RSF1: variants seen among roughly 807,000 people sequenced by gnomAD.
The protein encoded by RSF1 is HBV pX-associated protein 8.
RSF1 carries 13 observed loss-of-function variants against 145.2 expected under a neutral mutation model. The observed-to-expected ratio is 0.09, with a 90% CI of 0.06 to 0.14. RSF1 has a LOEUF of 0.14. RSF1 is among the 10% of genes least tolerant of loss of function. The pLI, the probability that RSF1 is intolerant of heterozygous loss-of-function variation, is 1.00. For synonymous variants in RSF1, 577 were observed against 592.6 expected (o/e 0.97, Z 0.38); for missense variants, 1,517 against 1,718.2 (o/e 0.88, Z 2.07).
intron 5 of RSF1, chr11:77,702,938 T>C (rs1344564628): frequency 3.3e-5 from 5 of 152,400 alleles, no homozygotes; most frequent in Non-Finnish European, 7.3e-5. Context: ...AGTGGGAAAA[T>C]GAAAAATATA....
At chr11:77,678,610 G>C (rs531868897) in intron 11 of RSF1, among the ~76,000 whole-genome samples, 1 of 152,252 alleles carries the variant, frequency 6.6e-6, no homozygotes, top group Admixed American at 6.5e-5. Flanking sequence ...TAAATCTCAA[G>C]GTGATGGTAT....
chr11:77,725,754 C>T (rs1056631733), intron 4 of RSF1, 55 bp from the exon 5 acceptor site: 3 of 1,377,456 alleles, frequency 2.2e-6, no homozygotes, highest in Non-Finnish European at 2.9e-6. Flanking sequence ...TTCTAGAGAA[C>T]TTTCTGAATA....
At position 77,701,668 on chromosome 11, in the gene RSF1, C is replaced by T. The variant is rs1410646373; in HGVS notation, c.1561G>A (p.Glu521Lys). Residue 521 changes from glutamate to lysine, a missense_variant, in exon 6 of 16, where the codon GAG becomes AAG. By Grantham distance (56) the Glu-to-Lys change is moderately conservative. This residue lies in a region of RSF1 where 579 missense variants were observed against 553.5 expected (regional missense o/e 1.05). Transcript: ENST00000308488. Reference protein sequence around the residue: ...KDADSSISVLEIHSQKAQIEE... With the variant: ...KDADSSISVLKIHSQKAQIEE... ...ATTTGTGCTTTTTGACTATGGATCT[C>T]TAAGACTGATATTGAACTATCTGCA... 1.2e-6 allele frequency: 2 copies of T among 1,614,074 alleles called. No homozygotes were observed. The highest frequency in any genetic ancestry group is 2.2e-5 in the South Asian group (2 of 91,076).
rs185837663 is a variant in RSF1 at position 77,735,320 on chromosome 11, T to C, written c.578+5411A>G. Among the ~76,000 whole-genome samples, 109 of 152,368 alleles carry C rather than the reference T, an allele frequency of 7.2e-4. 1 individual carries two copies. The highest frequency in any genetic ancestry group is 2.3e-3 in the African/African-American group (94 of 41,580). The stretch of plus-strand genomic sequence containing the variant: ...TTTTAAGACTGTGGTGATGTCATGG[T>C]ATGAAATTTTCAGTAGATCAACTAT... On this transcript the variant is annotated intron_variant, in intron 4 of 15. Transcript: ENST00000308488.
chr11:77,770,311 A>C (rs918215345), intron 1 of RSF1, among the ~76,000 whole-genome samples: 3 of 151,986 alleles, frequency 2.0e-5, no homozygotes, highest in Non-Finnish European at 4.4e-5. Context: ...AAATACAAAA[A>C]ATTAGCCAGG....
At chr11:77,836,229 G>A in the RSF1 span, among the ~76,000 whole-genome samples, 2 of 152,012 alleles carry the variant, frequency 1.3e-5, no homozygotes, top group South Asian at 4.1e-4. Flanking sequence ...TGGACTGAAT[G>A]TGCCCTCCCC....
chr11:77,756,620 T>C (rs1474003038), intron 2 of RSF1, among the ~76,000 whole-genome samples: 1 of 151,976 alleles, frequency 6.6e-6, no homozygotes, highest in Non-Finnish European at 1.5e-5. Flanking sequence ...AGTAAGAAAA[T>C]ATCAAGAGGT....
intron 2 of RSF1, among the ~76,000 whole-genome samples, chr11:77,752,095 C>T (rs190573954): frequency 6.6e-6 from 1 of 152,162 alleles, no homozygotes; most frequent in South Asian, 2.1e-4. Flanking sequence ...ATTATTTAGA[C>T]AGACAGCGAG....
At chr11:77,767,346 T>C (rs1325657166) in intron 1 of RSF1, among the ~76,000 whole-genome samples, 1 of 152,190 alleles carries the variant, frequency 6.6e-6, no homozygotes, top group Non-Finnish European at 1.5e-5. Flanking sequence ...AAAACAGCTA[T>C]GGATAGTCTC....
chr11:77,774,881 C>T (rs1462803515), intron 1 of RSF1, among the ~76,000 whole-genome samples: 1 of 150,886 alleles, frequency 6.6e-6, no homozygotes, highest in Non-Finnish European at 1.5e-5. Context: ...ATTCTCCTGC[C>T]TCAGCCTCCC....
At chr11:77,794,102 T>C (rs1590891058) in intron 1 of RSF1, among the ~76,000 whole-genome samples, 1 of 152,118 alleles carries the variant, frequency 6.6e-6, no homozygotes, top group African/African-American at 2.4e-5. Flanking sequence ...GACTTCAACA[T>C]TCCACTGTTG....
chr11:77,708,621 C>T (rs930070025), intron 5 of RSF1, among the ~76,000 whole-genome samples: 4 of 152,134 alleles, frequency 2.6e-5, no homozygotes, highest in Admixed American at 2.6e-4. Context: ...TGAATCAAGA[C>T]AGAAACAAGA....
chr11:77,673,202 G>C (rs1216414397), intron 14 of RSF1, among the ~76,000 whole-genome samples: 5 of 152,120 alleles, frequency 3.3e-5, no homozygotes, highest in Admixed American at 6.5e-5. Flanking sequence ...CATAAATACA[G>C]AACTCAAGAT....
intron 1 of RSF1, among the ~76,000 whole-genome samples, chr11:77,788,026 T>C (rs1385687417): frequency 6.7e-6 from 1 of 149,734 alleles, no homozygotes; most frequent in African/African-American, 2.5e-5. Flanking sequence ...CCTGTAATAG[T>C]AACTACTCGG....
At chr11:77,820,744 T>G (rs1026360606), upstream of RSF1, 22 of 1,529,516 alleles carry the variant, frequency 1.4e-5, no homozygotes, top group Non-Finnish European at 1.9e-5. Context: ...GAGGAGGCGA[T>G]GGGGGGGCGG....
At chr11:77,715,080 T>C (rs1371026000) in intron 5 of RSF1, among the ~76,000 whole-genome samples, 2 of 152,184 alleles carry the variant, frequency 1.3e-5, no homozygotes, top group Admixed American at 6.5e-5. Flanking sequence ...TTTATGATCA[T>C]GACACTGTAT....
At chr11:77,792,947 A>G (rs1225911246) in intron 1 of RSF1, among the ~76,000 whole-genome samples, 1 of 152,230 alleles carries the variant, frequency 6.6e-6, no homozygotes, top group Non-Finnish European at 1.5e-5. Context: ...GAAAACACAC[A>G]AAAGTATAAA....
At chr11:77,797,628 A>C (rs1948585697) in intron 1 of RSF1, among the ~76,000 whole-genome samples, 1 of 152,218 alleles carries the variant, frequency 6.6e-6, no homozygotes, top group African/African-American at 2.4e-5. Flanking sequence ...TAAAACACTA[A>C]AAGCAATGGC....
chr11:77,815,937 G>C (rs905656613), intron 1 of RSF1, among the ~76,000 whole-genome samples: 2 of 152,100 alleles, frequency 1.3e-5, no homozygotes, highest in African/African-American at 4.8e-5. Flanking sequence ...TAAAAAGTAA[G>C]CCAGTTTGCA....
Sources: allele counts gnomAD v4.1 joint callset (sites outside exome capture counted in the v4.1 genomes callset), GRCh38; gene constraint gnomAD v4.1.1; regional missense constraint gnomAD v4.1.1; transcripts MANE v1.5; gene names NCBI Gene and HGNC (gene_info 2026-07-23, HGNC 2026-07-21).